Variants in ADGB observed in about 807,000 individuals in gnomAD.
The protein encoded by ADGB is calpain-7-like protein.
In ADGB, 172 loss-of-function variants were observed where a neutral mutation model predicts 210.5. The observed-to-expected ratio is 0.82, with a 90% CI of 0.72 to 0.93. ADGB has a LOEUF of 0.93. ADGB is among the 40% of genes least tolerant of loss of function. The pLI is 0.00. For missense variants in ADGB, 2,025 were observed against 1,964.8 expected (o/e 1.03, Z -0.58); for synonymous variants, 658 against 662.7 (o/e 0.99, Z 0.11).
chr6:146,738,438 C>CTTTTTTTT lies in ADGB; in HGVS notation c.2888+1870_2888+1877dup, dbSNP rs71031008. Among the ~76,000 whole-genome samples, 195 of 71,390 alleles carry CTTTTTTTT rather than the reference C, an allele frequency of 2.7e-3. 6 individuals are homozygous for CTTTTTTTT. The highest frequency in any genetic ancestry group is 9.0e-3 in the African/African-American group (184 of 20,382). The allele number at this position is 71,390 out of a possible 152,430, so 46.8% of individuals were successfully genotyped here. The stretch of plus-strand genomic sequence containing the variant: ...GAATCCCATTCGAATCCCATTTCAT[C>CTTTTTTTT]TTTTTTTTTTTTTTTTTTTTTTTTT... On this transcript the variant is annotated intron_variant, in intron 23 of 35. Transcript: ENST00000397944.
At chr6:146,752,919 T>C (rs943750010) in intron 27 of ADGB, among the ~76,000 whole-genome samples, 3 of 152,096 alleles carry the variant, frequency 2.0e-5, no homozygotes, top group Admixed American at 6.6e-5. Context: ...CTTTTCATCT[T>C]GGAGAAAAAT....
chr6:146,780,906 G>C (rs1169771064), intron 29 of ADGB, among the ~76,000 whole-genome samples: 1 of 151,888 alleles, frequency 6.6e-6, no homozygotes, highest in Admixed American at 6.6e-5. Flanking sequence ...CTTCTCAAGG[G>C]CATATGGAAC....
At chr6:146,789,528 A>G (rs1388554913) in intron 33 of ADGB, among the ~76,000 whole-genome samples, 5 of 152,202 alleles carry the variant, frequency 3.3e-5, no homozygotes, top group African/African-American at 9.7e-5. Flanking sequence ...GTTTAAAGCT[A>G]AAGTATGTCC....
chr6:146,662,280 T>C (rs999262126), intron 5 of ADGB, among the ~76,000 whole-genome samples: 3 of 152,106 alleles, frequency 2.0e-5, no homozygotes, highest in African/African-American at 7.2e-5. Context: ...GAATATTATA[T>C]CTTTTTGCAT....
intron 35 of ADGB, 40 bp from the exon 36 acceptor site, chr6:146,814,992 C>G (rs1472485660): frequency 1.3e-6 from 2 of 1,507,890 alleles, no homozygotes; most frequent in East Asian, 2.5e-5. Context: ...TAAGCCTTTA[C>G]CAGTGGAACT....
Position 146,666,920 on chromosome 6 carries a change from A to AT in ADGB, c.839+20dup. ...TCTCTTCAGTATGTTTGACTATTAA[A>AT]TTGCTCATATCTATTTTTTTTATCT... On this transcript the variant is annotated intron_variant, in intron 7 of 35. Coordinates refer to ENST00000397944, the MANE Select transcript of ADGB (RefSeq NM_024694.4). 6.8e-7 allele frequency: 1 copy of AT among 1,481,240 alleles called. No individual in the cohort carries two copies. The highest frequency in any genetic ancestry group is 9.2e-7 in the Non-Finnish European group (1 of 1,086,316). 91.8% of individuals were successfully genotyped at this position (1,481,240 alleles called of 1,614,324 possible).
intron 13 of ADGB, among the ~76,000 whole-genome samples, chr6:146,713,661 T>G (rs1052590878): frequency 3.9e-5 from 6 of 152,220 alleles, no homozygotes; most frequent in African/African-American, 1.4e-4. Context: ...ATCAGATATG[T>G]AATTTGCAAA....
intron 12 of ADGB, among the ~76,000 whole-genome samples, chr6:146,698,417 T>C (rs1776441001): frequency 1.3e-5 from 2 of 152,208 alleles, no homozygotes; most frequent in South Asian, 2.1e-4. Flanking sequence ...ACCGTGTTCA[T>C]TGTGCTTTCC....
Position 146,769,045 on chromosome 6 carries a change from C to A in ADGB, c.3776C>A (p.Ser1259Ter), listed in dbSNP as rs775778822. ...LQNYKYIIQC[S>*]VLYNSWPLTE... ...AATTACAAGTATATTATACAGTGTT[C>A]GGTGTTGTATAACAGTTGGCCTCTC... is the stretch of plus-strand genomic sequence containing the variant. The change falls in exon 29 of 36, where the codon TCG becomes TAG. Residue 1259 changes from serine (S) to a stop codon, truncating the protein, a stop_gained. Coordinates refer to ENST00000397944, the MANE Select transcript of ADGB (RefSeq NM_024694.4). LOFTEE classifies it high-confidence loss of function. 1.3e-6 allele frequency: 2 copies of A among 1,523,348 alleles called. No homozygotes were observed. 94.4% of individuals were successfully genotyped at this position (1,523,348 alleles called of 1,614,324 possible).
chr6:146,657,533 T>G (rs1298654322), intron 5 of ADGB, among the ~76,000 whole-genome samples: 1 of 152,216 alleles, frequency 6.6e-6, no homozygotes. Context: ...ATGGGCACTT[T>G]AAACAGGTTC....
chr6:146,628,876 C>A (rs1781019338), intron 1 of ADGB, among the ~76,000 whole-genome samples: 1 of 151,908 alleles, frequency 6.6e-6, no homozygotes, highest in African/African-American at 2.4e-5. Context: ...GTTTGCCTTC[C>A]TAAAAAATTC....
Position 146,801,745 on chromosome 6 carries a change from T to G in ADGB, c.4635-83T>G, listed in dbSNP as rs533061914. 961 of 1,218,092 alleles carry G rather than the reference T, an allele frequency of 7.9e-4. 4 individuals carry two copies. Among genetic ancestry groups the G allele is most frequent in the Non-Finnish European group, 9.8e-4 (876 of 891,970 alleles). The allele number at this position is 1,218,092 out of a possible 1,614,324, so 75.5% of individuals were successfully genotyped here. A position where few individuals can be genotyped will look rare whatever the true frequency, so the allele number is the denominator to read the frequency against. ...CAGACCACCACACTGTTGATATGAT[T>G]TAAAATTATTTGATGTCTAAAGTGA... is the stretch of plus-strand genomic sequence containing the variant. On this transcript the variant is annotated intron_variant, in intron 34 of 35. Coordinates refer to ENST00000397944, the MANE Select transcript of ADGB (RefSeq NM_024694.4).
intron 5 of ADGB, among the ~76,000 whole-genome samples, chr6:146,662,715 T>A (rs1205210009): frequency 6.6e-6 from 1 of 151,894 alleles, no homozygotes. Flanking sequence ...TGTAGTGTTA[T>A]GTTTTACAAC....
At chr6:146,753,735 C>G (rs1345013552) in intron 27 of ADGB, among the ~76,000 whole-genome samples, 1 of 151,848 alleles carries the variant, frequency 6.6e-6, no homozygotes, top group Non-Finnish European at 1.5e-5. Flanking sequence ...ATCACTCTTG[C>G]ATTCTTAGAA....
chr6:146,698,050 A>G (rs1352626522), intron 12 of ADGB, among the ~76,000 whole-genome samples: 1 of 152,146 alleles, frequency 6.6e-6, no homozygotes, highest in Non-Finnish European at 1.5e-5. Context: ...AAAGCAATAT[A>G]TGGTGTTGGA....
intron 32 of ADGB, among the ~76,000 whole-genome samples, chr6:146,787,591 A>T (rs1777891809): frequency 6.6e-6 from 1 of 152,066 alleles, no homozygotes; most frequent in African/African-American, 2.4e-5. Context: ...TTTTTAGGGA[A>T]TCGACTTTTG....
chr6:146,792,264 C>T (rs759147303), intron 33 of ADGB, among the ~76,000 whole-genome samples: 17 of 152,170 alleles, frequency 1.1e-4, no homozygotes, highest in Non-Finnish European at 2.5e-4. Flanking sequence ...TGAAGAACGA[C>T]ATTAGAATTT....
chr6:146,644,642 A>G (rs1775579087), intron 2 of ADGB, 131 bp from the exon 3 acceptor site: 1 of 515,422 alleles, frequency 1.9e-6, no homozygotes, highest in Admixed American at 3.8e-5. Flanking sequence ...AGCTCTTACA[A>G]CAAGAACACA....
intron 13 of ADGB, among the ~76,000 whole-genome samples, chr6:146,709,642 G>A (rs1475804682): frequency 2.0e-5 from 3 of 152,310 alleles, no homozygotes; most frequent in East Asian, 1.9e-4. Context: ...GGGCCAGCCC[G>A]CCACCAGGGT....
Sources: allele counts gnomAD v4.1 joint callset (sites outside exome capture counted in the v4.1 genomes callset), GRCh38; gene constraint gnomAD v4.1.1; transcripts MANE v1.5; gene names NCBI Gene and HGNC (gene_info 2026-07-23, HGNC 2026-07-21).